RGPD2: variants seen among roughly 807,000 people sequenced by gnomAD.
RGPD2 encodes the protein RANBP2 like and GRIP domain containing 2.
A neutral mutation model predicts 36.0 loss-of-function variants in RGPD2; 2 were observed. That is an observed-to-expected ratio of 0.06 (90% CI 0.02 to 0.17). RGPD2 has a LOEUF of 0.17. Among genes scored for constraint, RGPD2 ranks in the 10% least tolerant of loss-of-function variants. RGPD2 has a pLI of 1.00. For missense variants in RGPD2, 40 were observed against 464.3 expected (o/e 0.09, Z 8.40); for synonymous variants, 19 against 163.8 (o/e 0.12, Z 6.75).
chr2:87,887,793 G>GT, the RGPD2 span, among the ~76,000 whole-genome samples: 1 of 108,044 alleles, frequency 9.3e-6, no homozygotes, highest in South Asian at 3.6e-4. Context: ...CGCATATTGT[G>GT]TATAAAATCA....
chr2:87,831,332 A>G, the RGPD2 span, among the ~76,000 whole-genome samples: 1 of 152,192 alleles, frequency 6.6e-6, no homozygotes, highest in Admixed American at 6.5e-5. Flanking sequence ...ACATTAAAAT[A>G]TCTAACATAT....
chr2:87,878,921 A>G, the RGPD2 span, among the ~76,000 whole-genome samples: 117 of 152,318 alleles, frequency 7.7e-4, no homozygotes, highest in African/African-American at 2.7e-3. Context: ...TTTCATCTTA[A>G]TGACTGAATC....
At chr2:87,879,490 T>TA in the RGPD2 span, among the ~76,000 whole-genome samples, 6 of 133,800 alleles carry the variant, frequency 4.5e-5, no homozygotes, top group Admixed American at 1.5e-4. Context: ...CAGCCTCTGG[T>TA]AAATGTCCTC....
intron 1 of RGPD2, among the ~76,000 whole-genome samples, chr2:87,825,373 G>GGCCGCC (rs1170265171): frequency 9.9e-4 from 135 of 135,762 alleles, no homozygotes; most frequent in African/African-American, 3.1e-3. Context: ...CCTACGCCGA[G>GGCCGCC]GCCGCCGCCG....
chr2:87,844,668 A>G, the RGPD2 span, among the ~76,000 whole-genome samples: 1 of 151,914 alleles, frequency 6.6e-6, no homozygotes, highest in East Asian at 1.9e-4. Context: ...AGAAAGATGG[A>G]ATTTTAAATT....
At chr2:87,831,671 A>AATT in the RGPD2 span, among the ~76,000 whole-genome samples, 7 of 149,882 alleles carry the variant, frequency 4.7e-5, no homozygotes, top group Admixed American at 4.7e-4. Flanking sequence ...TTATTATTAA[A>AATT]ATACTAAGTA....
chr2:87,872,399 T>C, the RGPD2 span, among the ~76,000 whole-genome samples: 1 of 152,088 alleles, frequency 6.6e-6, no homozygotes, highest in Non-Finnish European at 1.5e-5. Flanking sequence ...AAAAAAACTT[T>C]AAAATGGCTA....
the RGPD2 span, among the ~76,000 whole-genome samples, chr2:87,876,768 T>C: frequency 6.6e-6 from 1 of 152,162 alleles, no homozygotes; most frequent in Non-Finnish European, 1.5e-5. Flanking sequence ...TCGTTAATTC[T>C]CTGTCTCAAT....
chr2:87,827,327 CAGA>C (rs1686845464), upstream of RGPD2, among the ~76,000 whole-genome samples: 1 of 152,234 alleles, frequency 6.6e-6, no homozygotes, highest in African/African-American at 2.4e-5. Context: ...TATTGTATGG[CAGA>C]AGGAGATTTC....
At chr2:87,962,577 A>G in the RGPD2 span, among the ~76,000 whole-genome samples, 1 of 151,764 alleles carries the variant, frequency 6.6e-6, no homozygotes, top group Admixed American at 6.6e-5. Flanking sequence ...ATCCTATTTT[A>G]GGTAGTTGAT....
chr2:87,881,412 ACT>A, the RGPD2 span, among the ~76,000 whole-genome samples: 2,254 of 151,680 alleles, frequency 0.015, no homozygotes, highest in African/African-American at 0.053. Context: ...CCTGCAGCGC[ACT>A]TTTTCCTGGG....
At chr2:87,924,615 TA>T in the RGPD2 span, among the ~76,000 whole-genome samples, 2 of 152,184 alleles carry the variant, frequency 1.3e-5, no homozygotes, top group Non-Finnish European at 2.9e-5. Context: ...ATGCCAGTAA[TA>T]AATGTATTAG....
At chr2:87,958,008 CTAAT>C in the RGPD2 span, among the ~76,000 whole-genome samples, 1 of 152,206 alleles carries the variant, frequency 6.6e-6, no homozygotes, top group Non-Finnish European at 1.5e-5. Flanking sequence ...AAAGATGTAG[CTAAT>C]TAAACATATG....
chr2:87,983,212 C>A, the RGPD2 span, among the ~76,000 whole-genome samples: 1 of 152,110 alleles, frequency 6.6e-6, no homozygotes, highest in East Asian at 1.9e-4. Context: ...CCCAGCTACT[C>A]GGGAGGCTGA....
At chr2:87,769,416 T>C (rs1261568772) in intron 22 of RGPD2, among the ~76,000 whole-genome samples, 1 of 151,544 alleles carries the variant, frequency 6.6e-6, no homozygotes, top group East Asian at 1.9e-4. Flanking sequence ...CTAATTTAAA[T>C]GTGTTTTCCT....
the RGPD2 span, among the ~76,000 whole-genome samples, chr2:87,971,363 C>T: frequency 8.1e-6 from 1 of 123,410 alleles, no homozygotes; most frequent in African/African-American, 3.0e-5. Flanking sequence ...AAGTTATTTG[C>T]CCTTCCAAGT....
chr2:87,971,456 T>TATATAAGTATATATAATATGAATATTAG, the RGPD2 span, among the ~76,000 whole-genome samples: 1 of 132,808 alleles, frequency 7.5e-6, no homozygotes, highest in Admixed American at 8.5e-5. Context: ...ATGAATATTA[T>TATATAAGTATATATAATATGAATATTAG]ATATAAATAT....
At chr2:87,884,875 C>T in the RGPD2 span, among the ~76,000 whole-genome samples, 1 of 152,244 alleles carries the variant, frequency 6.6e-6, no homozygotes, top group Middle Eastern at 3.4e-3. Flanking sequence ...AGAACTAATG[C>T]CAATCATTCT....
chr2:87,923,321 T>C, the RGPD2 span, among the ~76,000 whole-genome samples: 41 of 152,200 alleles, frequency 2.7e-4, no homozygotes, highest in East Asian at 7.5e-3. Flanking sequence ...TCTTCACCCA[T>C]AGAAACATTT....
Sources: allele counts gnomAD v4.1 joint callset (sites outside exome capture counted in the v4.1 genomes callset), GRCh38; gene constraint gnomAD v4.1.1; transcripts MANE v1.5; gene names NCBI Gene and HGNC (gene_info 2026-07-23, HGNC 2026-07-21).